ZXDC: variants seen among roughly 807,000 people sequenced by gnomAD.
ZXDC encodes the protein zinc finger protein ZXDC.
A neutral mutation model predicts 63.6 loss-of-function variants in ZXDC; 58 were observed. That is an observed-to-expected ratio of 0.91 (90% CI 0.74 to 1.13). The LOEUF is 1.13. Among genes scored for constraint, ZXDC ranks in the 50% most tolerant of loss-of-function variants. The pLI is 0.00. For missense variants in ZXDC, 1,133 were observed against 1,148.9 expected (o/e 0.99, Z 0.20); for synonymous variants, 561 against 496.1 (o/e 1.13, Z -1.74).
chr3:126,459,860 C>T (rs1044235584), intron 6 of ZXDC, 123 bp from the exon 7 acceptor site: 2 of 1,565,984 alleles, frequency 1.3e-6, no homozygotes, highest in Admixed American at 3.6e-5. Flanking sequence ...CCAGAGTCAC[C>T]AGCAAGGCAC....
intron 8 of ZXDC, chr3:126,441,563 A>G (rs540687299): frequency 7.5e-7 from 1 of 1,332,488 alleles, no homozygotes; most frequent in South Asian, 2.2e-5. Flanking sequence ...GCTTGAGCAG[A>G]TGCAGGACAG....
chr3:126,454,114 T>C, intron 7 of ZXDC: 6 of 951,554 alleles, frequency 6.3e-6, no homozygotes, highest in Non-Finnish European at 7.5e-6. Flanking sequence ...TGCCCTAATT[T>C]GTTCCATTTA....
At position 126,457,633 on chromosome 3, in the gene ZXDC, C is replaced by T. The variant is rs570795756; in HGVS notation, c.2212+2020G>A. On this transcript the variant is annotated intron_variant, in intron 7 of 9. Transcript: ENST00000389709. ...ACTGCAGGATGCTAAGAAACTCACA[C>T]AGATTCAAACATCATGAACTGCACC... 36 of 985,456 alleles carry T rather than the reference C, an allele frequency of 3.7e-5. 1 individual carries two copies. In the South Asian group the frequency reaches 1.4e-3, roughly 39 times the overall value. The allele number at this position is 985,456 out of a possible 1,614,324, so 61.0% of individuals were successfully genotyped here.
At chr3:126,459,546 A>T in intron 7 of ZXDC, 107 bp downstream of exon 7, 1 of 1,561,214 alleles carries the variant, frequency 6.4e-7, no homozygotes, top group Non-Finnish European at 8.7e-7. Context: ...CTGAACAGAA[A>T]AGTAAAACCA....
chr3:126,455,412 T>C (rs889116100), intron 7 of ZXDC, among the ~76,000 whole-genome samples: 1 of 152,264 alleles, frequency 6.6e-6, no homozygotes, highest in Admixed American at 6.5e-5. Context: ...AAAACCCCAG[T>C]AACAATAAGT....
chr3:126,468,647 A>G (rs1013295717), intron 4 of ZXDC, among the ~76,000 whole-genome samples: 14 of 152,194 alleles, frequency 9.2e-5, no homozygotes, highest in African/African-American at 3.4e-4. Flanking sequence ...CACCTCTGGC[A>G]GAAGTGTCAG....
In ZXDC at chr3:126,439,708, C is replaced by G; in HGVS notation, c.2414G>C (p.Gly805Ala). 2 of 1,551,808 alleles carry G rather than the reference C, an allele frequency of 1.3e-6. No individual in the cohort carries two copies. Among genetic ancestry groups the G allele is most frequent in the South Asian group, 2.4e-5 (2 of 84,110 alleles). ...TGGGCCGCGGGCCGAGGGCAGGACACCTTCGCCGGAGGGGTCATCCTGGGA... is the reference window on the plus strand; with the variant it reads ...TGGGCCGCGGGCCGAGGGCAGGACAGCTTCGCCGGAGGGGTCATCCTGGGA... ...QLVQDDPSGE[G>A]VLPSARGPAT... is the part of the protein sequence containing the mutation. The change falls in exon 9 of 10, where the codon GGT (glycine) becomes GCT (alanine). Residue 805 changes from glycine to alanine, a missense_variant. Coordinates refer to ENST00000389709, the MANE Select transcript of ZXDC (RefSeq NM_025112.5).
intron 7 of ZXDC, among the ~76,000 whole-genome samples, chr3:126,444,464 A>T (rs187472300): frequency 6.6e-6 from 1 of 151,942 alleles, no homozygotes; most frequent in Non-Finnish European, 1.5e-5. Context: ...CCCAGGAGGC[A>T]GAGCTTGCAG....
chr3:126,452,964 C>T, intron 7 of ZXDC: 1 of 963,566 alleles, frequency 1.0e-6, no homozygotes, highest in Non-Finnish European at 1.2e-6. Context: ...TCTTGAACTC[C>T]TGGCCTCAAG....
At chr3:126,453,269 C>A in intron 7 of ZXDC, 1 of 985,356 alleles carries the variant, frequency 1.0e-6, no homozygotes, top group Non-Finnish European at 1.2e-6. Flanking sequence ...GTGGAATTTA[C>A]TTAATGCTTT....
chr3:126,475,547 G>A lies in ZXDC; in HGVS notation c.319C>T (p.Arg107Cys). The A allele has an allele frequency of 7.3e-7, 1 of 1,371,664 alleles. No individual in the cohort carries two copies. The highest frequency in any genetic ancestry group is 9.4e-7 in the Non-Finnish European group (1 of 1,061,172). 85.0% of individuals were successfully genotyped at this position (1,371,664 alleles called of 1,614,324 possible). A position where few individuals can be genotyped will look rare whatever the true frequency, so the allele number is the denominator to read the frequency against. Residue 107 changes from arginine to cysteine, a missense_variant, in exon 1 of 10, where the codon CGC (arginine) becomes TGC (cysteine). Physicochemically the swap from Arg to Cys is radical, Grantham distance 180. Coordinates refer to ENST00000389709, the MANE Select transcript of ZXDC (RefSeq NM_025112.5). Reference sequence around the variant, plus strand: ...GGGCCGCTGGGGCCCTGCTCGGGGCGGCTCGCCAGGTTGACACGGGAGCCA... The same window carrying A: ...GGGCCGCTGGGGCCCTGCTCGGGGCAGCTCGCCAGGTTGACACGGGAGCCA... ...EPGSRVNLAS[R>C]PEQGPSGPAA...
At chr3:126,441,008 G>C in intron 8 of ZXDC, 1 of 985,608 alleles carries the variant, frequency 1.0e-6, no homozygotes, top group Non-Finnish European at 1.2e-6. Flanking sequence ...ACAAAGTGGA[G>C]TGGTGAAGAG....
At chr3:126,469,956 G>C (rs187708724) in intron 4 of ZXDC, among the ~76,000 whole-genome samples, 1 of 152,320 alleles carries the variant, frequency 6.6e-6, no homozygotes, top group East Asian at 1.9e-4. Flanking sequence ...CCAAGGCCCA[G>C]AGAAGCAGCT....
intron 7 of ZXDC, chr3:126,452,212 GTC>G: frequency 1.0e-6 from 1 of 985,412 alleles, no homozygotes; most frequent in African/African-American, 1.7e-5. Flanking sequence ...CTTGCGTGAA[GTC>G]TTAGCTACAG....
intron 7 of ZXDC, chr3:126,450,355 C>T: frequency 2.2e-6 from 1 of 456,764 alleles, no homozygotes; most frequent in South Asian, 1.5e-5. Context: ...GGCAAGTCTG[C>T]AATCTGCTTT....
chr3:126,459,097 C>T, intron 7 of ZXDC: 1 of 985,458 alleles, frequency 1.0e-6, no homozygotes, highest in Non-Finnish European at 1.2e-6. Flanking sequence ...TTAAGCACTA[C>T]ATCCCACTAT....
intron 6 of ZXDC, 180 bp from the exon 7 acceptor site, chr3:126,459,917 C>G (rs1387717202): frequency 1.0e-6 from 1 of 985,354 alleles, no homozygotes; most frequent in Non-Finnish European, 1.2e-6. Context: ...GCCGAACAAA[C>G]TTGGAGCTGG....
chr3:126,444,565 T>C (rs1933811483), intron 7 of ZXDC, among the ~76,000 whole-genome samples: 1 of 151,962 alleles, frequency 6.6e-6, no homozygotes, highest in Non-Finnish European at 1.5e-5. Flanking sequence ...TGAAAACCAC[T>C]GTAGAATAAA....
At chr3:126,453,165 T>C (rs754818243) in intron 7 of ZXDC, 49 of 985,490 alleles carry the variant, frequency 5.0e-5, no homozygotes, top group Non-Finnish European at 5.7e-5. Context: ...TTACTTGTTT[T>C]CCTAGAAAAC....
Sources: gnomAD v4.1 joint callset for allele counts (sites outside exome capture counted in the v4.1 genomes callset) on GRCh38, gnomAD v4.1.1 for gene constraint, MANE v1.5 for transcripts, NCBI Gene and HGNC (gene_info 2026-07-23, HGNC 2026-07-21) for gene names.